The following GPC6 variants were observed in gnomAD, a reference collection of about 807,000 sequenced individuals.
GPC6 encodes glypican-6.
A neutral mutation model predicts 55.2 loss-of-function variants in GPC6; 14 were observed. The observed-to-expected ratio is 0.25, with a 90% CI of 0.17 to 0.40. The LOEUF (loss-of-function observed/expected upper bound fraction) is 0.40. Among genes scored for constraint, GPC6 ranks in the 10% least tolerant of loss-of-function variants. The probability of loss-of-function intolerance (pLI) is 1.00; values close to 1 mark genes in which losing one functional copy is unlikely to be tolerated. For missense variants in GPC6, 641 were observed against 708.5 expected, an observed-to-expected ratio of 0.90 and a Z score of 1.08; for synonymous variants, 278 against 259.6, an observed-to-expected ratio of 1.07 and a Z score of -0.68.
chr13:93,914,149 T>C (rs889576755), intron 3 of GPC6, among the ~76,000 whole-genome samples: 2 of 152,194 alleles, frequency 1.3e-5, no homozygotes, highest in South Asian at 2.1e-4. Context: ...ATGTGCCATG[T>C]TGGTGTGCTG....
intron 1 of GPC6, among the ~76,000 whole-genome samples, chr13:93,302,471 A>T (rs1878714315): frequency 6.6e-6 from 1 of 152,214 alleles, no homozygotes; most frequent in African/African-American, 2.4e-5. Flanking sequence ...GACAGTATGC[A>T]GCAATGTCAT....
At chr13:93,880,595 G>A (rs1340703070) in intron 3 of GPC6, among the ~76,000 whole-genome samples, 1 of 151,976 alleles carries the variant, frequency 6.6e-6, no homozygotes, top group Non-Finnish European at 1.5e-5. Flanking sequence ...GGATAGTATT[G>A]GGAGATATAC....
In GPC6 at chr13:93,854,049, A is replaced by ATCTGATTAC. The variant is rs548689917; in HGVS notation, c.711+23504_711+23505insTCTGATTAC. ...CGTCGTGGATCTGATTACAACCACA[A>ATCTGATTAC]AACAAAGAAAATAAAGAGGAAATCA... On this transcript the variant is annotated intron_variant, in intron 3 of 8. Coordinates refer to ENST00000377047, the MANE Select transcript of GPC6 (RefSeq NM_005708.5). 3.2e-3 allele frequency among the ~76,000 whole-genome samples: 487 copies of ATCTGATTAC among 151,804 alleles called. 2 individuals carry two copies. Among genetic ancestry groups the ATCTGATTAC allele is most frequent in the African/African-American group, 1.0e-2 (413 of 41,496 alleles).
chr13:93,277,113 C>G (rs1877782833), intron 1 of GPC6, among the ~76,000 whole-genome samples: 1 of 152,158 alleles, frequency 6.6e-6, no homozygotes, highest in Admixed American at 6.5e-5. Context: ...TATAAGCCCT[C>G]TGCCGATTCC....
intron 6 of GPC6, among the ~76,000 whole-genome samples, chr13:94,352,228 G>A (rs9589963): frequency 1.3e-5 from 2 of 151,982 alleles, no homozygotes; most frequent in African/African-American, 4.8e-5. Flanking sequence ...GAAGAAGGCA[G>A]TGTGGGAACA....
intron 4 of GPC6, among the ~76,000 whole-genome samples, chr13:94,186,404 C>G (rs766391601): frequency 4.6e-5 from 7 of 152,198 alleles, no homozygotes; most frequent in African/African-American, 1.7e-4. Flanking sequence ...AATTTCGTAT[C>G]ATTGTCTTAC....
At chr13:93,600,101 T>A (rs1877946646) in intron 2 of GPC6, among the ~76,000 whole-genome samples, 1 of 152,336 alleles carries the variant, frequency 6.6e-6, no homozygotes, top group Admixed American at 6.5e-5. Context: ...ATTCTTATAA[T>A]AGTGTAGCAG....
intron 2 of GPC6, among the ~76,000 whole-genome samples, chr13:93,554,294 A>G (rs762586500): frequency 1.6e-4 from 24 of 152,230 alleles, no homozygotes; most frequent in Non-Finnish European, 1.0e-4. Flanking sequence ...TATACAGAGC[A>G]CGTCATTTTC....
At chr13:93,865,517 A>T (rs1888937204) in intron 3 of GPC6, among the ~76,000 whole-genome samples, 1 of 151,726 alleles carries the variant, frequency 6.6e-6, no homozygotes, top group Non-Finnish European at 1.5e-5. Flanking sequence ...GATTTAGCTT[A>T]AAGCCAGAGG....
At chr13:93,788,543 A>ACACC (rs1395809809) in intron 2 of GPC6, among the ~76,000 whole-genome samples, 1 of 150,586 alleles carries the variant, frequency 6.6e-6, no homozygotes, top group African/African-American at 2.4e-5. Flanking sequence ...ACACACACAC[A>ACACC]CCTTGTCTGC....
intron 2 of GPC6, among the ~76,000 whole-genome samples, chr13:93,741,549 C>G (rs1354269247): frequency 6.6e-6 from 1 of 152,132 alleles, no homozygotes; most frequent in African/African-American, 2.4e-5. Flanking sequence ...ACTTCTCTTA[C>G]AAACCTGGGA....
At chr13:93,273,819 T>C (rs1301895932) in intron 1 of GPC6, among the ~76,000 whole-genome samples, 1 of 152,086 alleles carries the variant, frequency 6.6e-6, no homozygotes, top group African/African-American at 2.4e-5. Context: ...ATTTTATTTT[T>C]ATTTTTTGAG....
intron 3 of GPC6, among the ~76,000 whole-genome samples, chr13:93,960,969 C>T (rs1053000884): frequency 2.0e-5 from 3 of 152,022 alleles, no homozygotes; most frequent in South Asian, 2.1e-4. Flanking sequence ...CCCGCCACCA[C>T]GTCCGGCTAA....
chr13:94,047,791 T>C (rs1298137968), intron 4 of GPC6, among the ~76,000 whole-genome samples: 1 of 152,096 alleles, frequency 6.6e-6, no homozygotes, highest in East Asian at 1.9e-4. Context: ...TAACGTTTTG[T>C]TTAGTGACAT....
intron 2 of GPC6, among the ~76,000 whole-genome samples, chr13:93,627,155 G>C (rs1438689077): frequency 2.0e-5 from 3 of 150,352 alleles, no homozygotes. Context: ...CCCTCCCCTA[G>C]CCCCCACCCC....
chr13:93,845,654 T>C (rs1395222637), intron 3 of GPC6, among the ~76,000 whole-genome samples: 7 of 144,264 alleles, frequency 4.9e-5, no homozygotes, highest in Non-Finnish European at 1.5e-5. Context: ...TATGCAGCCA[T>C]AAAAAATGAT....
chr13:93,345,899 A>T (rs529048041), intron 1 of GPC6, among the ~76,000 whole-genome samples: 36 of 152,330 alleles, frequency 2.4e-4, no homozygotes, highest in African/African-American at 8.4e-4. Context: ...GAAGTGTGTA[A>T]CAGAATTCTT....
chr13:94,209,971 C>T (rs1231679925), intron 4 of GPC6, among the ~76,000 whole-genome samples: 1 of 152,044 alleles, frequency 6.6e-6, no homozygotes, highest in Non-Finnish European at 1.5e-5. Flanking sequence ...CCTCAGCCTC[C>T]TGAGTAGCTG....
At chr13:93,271,771 C>A (rs1877535649) in intron 1 of GPC6, among the ~76,000 whole-genome samples, 1 of 152,128 alleles carries the variant, frequency 6.6e-6, no homozygotes, top group African/African-American at 2.4e-5. Context: ...ATATCCCAAC[C>A]TTTTGAGTAT....
Sources: gnomAD v4.1 joint callset for allele counts (sites outside exome capture counted in the v4.1 genomes callset) on GRCh38, gnomAD v4.1.1 for gene constraint, MANE v1.5 for transcripts, NCBI Gene and HGNC (gene_info 2026-07-23, HGNC 2026-07-21) for gene names.